Variants in KCNIP4 observed in about 807,000 individuals in gnomAD.
KCNIP4 encodes potassium voltage-gated channel interacting protein 4, also known as Kv channel-interacting protein 4.
KCNIP4 carries 12 observed loss-of-function variants against 34.0 expected under a neutral mutation model. That is an observed-to-expected ratio of 0.35 (90% CI 0.23 to 0.57). The LOEUF is 0.57. KCNIP4 is among the 20% of genes least tolerant of loss of function. The pLI, the probability that KCNIP4 is intolerant of heterozygous loss-of-function variation, is 0.83. For missense variants in KCNIP4, 238 were observed against 311.7 expected (o/e 0.76, Z 1.78); for synonymous variants, 124 against 102.2 (o/e 1.21, Z -1.29).
intron 1 of KCNIP4, among the ~76,000 whole-genome samples, chr4:20,989,918 C>T (rs1397909240): frequency 1.3e-5 from 2 of 152,132 alleles, no homozygotes; most frequent in Admixed American, 6.5e-5. Flanking sequence ...GCCCGTGCCA[C>T]TGCACTCCAG....
Position 20,799,135 on chromosome 4 carries a change from G to T in KCNIP4, c.289-40245C>A, listed in dbSNP as rs1329562458. 2.6e-5 allele frequency among the ~76,000 whole-genome samples: 4 copies of T among 152,134 alleles called. No individual in the cohort carries two copies. The South Asian group carries it at 6.2e-4, about 24-fold the overall frequency. ...CTGCTACTGTGCCCTACTCCCTAGG[G>T]CCAATCTACTATATAGCTGCTCCAT... On this transcript the variant is annotated intron_variant, in intron 3 of 8. Transcript: ENST00000382152.
At chr4:21,394,320 C>CG (rs772267877) in intron 1 of KCNIP4, among the ~76,000 whole-genome samples, 36 of 152,054 alleles carry the variant, frequency 2.4e-4, no homozygotes, top group Non-Finnish European at 4.1e-4. Flanking sequence ...CTCACTTCTT[C>CG]GGGGGACAGT....
In KCNIP4 at chr4:21,528,759, GA is replaced by G. The variant is rs1400053098; in HGVS notation, c.61+419811del. 2.1e-4 allele frequency among the ~76,000 whole-genome samples: 2 copies of G among 9,670 alleles called. 1 individual carries two copies. The highest frequency in any genetic ancestry group is 2.4e-3 in the Admixed American group (2 of 834). 6.3% of individuals were successfully genotyped at this position (9,670 alleles called of 152,430 possible). On this transcript the variant is annotated intron_variant, in intron 1 of 8. Transcript: ENST00000382152. ...AGAAAGAAAGAAAGAAAGAAAGAAA[GA>G]AAGAAAGAAAGAAAGAAAGGAAGAA...
intron 1 of KCNIP4, among the ~76,000 whole-genome samples, chr4:21,396,954 C>T (rs1021584849): frequency 7.9e-5 from 12 of 152,138 alleles, no homozygotes; most frequent in African/African-American, 2.9e-4. Context: ...TTAAGCTGCT[C>T]AGTTGGTGGA....
chr4:21,588,167 C>G (rs942151242), intron 1 of KCNIP4, among the ~76,000 whole-genome samples: 1 of 151,960 alleles, frequency 6.6e-6, no homozygotes, highest in Non-Finnish European at 1.5e-5. Flanking sequence ...AACAAAATAA[C>G]TACCAACATT....
intron 1 of KCNIP4, among the ~76,000 whole-genome samples, chr4:21,123,469 C>T (rs1750345540): frequency 6.6e-6 from 1 of 152,124 alleles, no homozygotes; most frequent in African/African-American, 2.4e-5. Context: ...ATTTCAGAGC[C>T]TCTTTACGCT....
intron 1 of KCNIP4, among the ~76,000 whole-genome samples, chr4:21,239,889 A>G (rs534530538): frequency 2.0e-5 from 3 of 152,270 alleles, no homozygotes; most frequent in South Asian, 4.1e-4. Context: ...TACCCAAAGG[A>G]CTATAAATCG....
rs139703044 is a variant in KCNIP4, at chr4:20,888,465, AATAG to A, written c.62-5760_62-5757del. Among the ~76,000 whole-genome samples the A allele has an allele frequency of 2.4e-3, 362 of 152,180 alleles. 2 individuals carry two copies. The highest frequency in any genetic ancestry group is 3.7e-3 in the Non-Finnish European group (249 of 67,946). On this transcript the variant is annotated intron_variant, in intron 1 of 8. Coordinates refer to ENST00000382152, the MANE Select transcript of KCNIP4 (RefSeq NM_025221.6). The stretch of plus-strand genomic sequence containing the variant: ...CTCACAGTGTGTGAAGCGATCCCTA[AATAG>A]ATAGCTGTGTGTGAAGGCACTCTCT...
intron 1 of KCNIP4, among the ~76,000 whole-genome samples, chr4:20,937,075 T>G (rs767866430): frequency 6.6e-6 from 1 of 151,998 alleles, no homozygotes; most frequent in Non-Finnish European, 1.5e-5. Flanking sequence ...AGAAGCCTCC[T>G]TAGGAAAAAG....
chr4:21,843,303 C>A (rs1226966615), intron 1 of KCNIP4: 1 of 151,994 alleles, frequency 6.6e-6, no homozygotes, highest in Admixed American at 6.6e-5. Flanking sequence ...TTAATCTTTC[C>A]ATTAGCATTA....
intron 2 of KCNIP4, among the ~76,000 whole-genome samples, chr4:20,881,985 C>T (rs1472857419): frequency 1.3e-5 from 2 of 152,132 alleles, no homozygotes; most frequent in African/African-American, 4.8e-5. Context: ...GAGCCAATTC[C>T]TTCAAATAAG....
chr4:21,414,459 T>C (rs1247914255), intron 1 of KCNIP4, among the ~76,000 whole-genome samples: 1 of 152,058 alleles, frequency 6.6e-6, no homozygotes, highest in Non-Finnish European at 1.5e-5. Context: ...TGTGGAGAAA[T>C]TGAAACCCTC....
intron 1 of KCNIP4, among the ~76,000 whole-genome samples, chr4:21,212,869 C>T (rs1757317548): frequency 6.6e-6 from 1 of 152,130 alleles, no homozygotes; most frequent in Admixed American, 6.5e-5. Context: ...CAGACCACTG[C>T]AATATCTAAA....
intron 1 of KCNIP4, among the ~76,000 whole-genome samples, chr4:21,256,143 C>T (rs952775668): frequency 2.6e-5 from 4 of 151,950 alleles, no homozygotes; most frequent in African/African-American, 9.7e-5. Context: ...GTGGAAATGA[C>T]GTTAGTCCAA....
chr4:21,589,061 G>A (rs11722935), intron 1 of KCNIP4, among the ~76,000 whole-genome samples: 42,833 of 147,648 alleles, frequency 0.29, 6,724 homozygotes, highest in East Asian at 0.62. Flanking sequence ...AATAGTGAGA[G>A]ACGAAAAGAA....
rs145532822 is a variant in KCNIP4, at chr4:21,150,509, T to A, written c.62-267800A>T. Among the ~76,000 whole-genome samples the A allele has an allele frequency of 4.2e-3, 636 of 152,320 alleles. 7 individuals carry two copies. Among genetic ancestry groups the A allele is most frequent in the African/African-American group, 0.014 (597 of 41,568 alleles). On this transcript the variant is annotated intron_variant, in intron 1 of 8. Coordinates refer to ENST00000382152, the MANE Select transcript of KCNIP4 (RefSeq NM_025221.6). The stretch of plus-strand genomic sequence containing the variant: ...AGTACTTAGACCTTAGTCAAAGACA[T>A]TACCCCTGTCTTAGAGGAGGGAGTG...
intron 1 of KCNIP4, among the ~76,000 whole-genome samples, chr4:21,179,952 C>A (rs1464834400): frequency 1.3e-5 from 2 of 152,140 alleles, no homozygotes; most frequent in Admixed American, 1.3e-4. Context: ...ATTGAGCCCC[C>A]ATCATGGGTC....
intron 1 of KCNIP4, among the ~76,000 whole-genome samples, chr4:21,148,464 A>G (rs1752540948): frequency 6.6e-6 from 1 of 152,182 alleles, no homozygotes; most frequent in Non-Finnish European, 1.5e-5. Flanking sequence ...TACGCATCCA[A>G]TGATGATAGT....
At chr4:21,068,323 G>A (rs1431323388) in intron 1 of KCNIP4, among the ~76,000 whole-genome samples, 1 of 152,108 alleles carries the variant, frequency 6.6e-6, no homozygotes, top group African/African-American at 2.4e-5. Context: ...CCACTTAGTA[G>A]CTAAAGGGCT....
Sources: allele counts gnomAD v4.1 joint callset (sites outside exome capture counted in the v4.1 genomes callset), GRCh38; gene constraint gnomAD v4.1.1; transcripts MANE v1.5; gene names NCBI Gene and HGNC (gene_info 2026-07-23, HGNC 2026-07-21).